SNX8: variants seen among roughly 807,000 people sequenced by gnomAD.
The protein encoded by SNX8 is sorting nexin 8.
A neutral mutation model predicts 51.6 loss-of-function variants in SNX8; 25 were observed. That is an observed-to-expected ratio of 0.48 (90% CI 0.35 to 0.68). The LOEUF is 0.68. Ranked by LOEUF, SNX8 falls within the 30% of genes least tolerant of loss-of-function variation. SNX8 has a pLI of 0.00. For missense variants in SNX8, 695 were observed against 624.0 expected, an observed-to-expected ratio of 1.11 and a Z score of -1.21; for synonymous variants, 324 against 277.0, an observed-to-expected ratio of 1.17 and a Z score of -1.68.
At chr7:2,337,733 T>TA (rs1482955006) in intron 1 of SNX8, among the ~76,000 whole-genome samples, 1 of 151,058 alleles carries the variant, frequency 6.6e-6, no homozygotes, top group Non-Finnish European at 1.5e-5. Context: ...AGATGTTAGT[T>TA]AAAGAATCAC....
chr7:2,351,738 G>A (rs112977609), intron 1 of SNX8, among the ~76,000 whole-genome samples: 2 of 151,456 alleles, frequency 1.3e-5, no homozygotes, highest in South Asian at 4.2e-4. Flanking sequence ...GGCTGAGGCA[G>A]GAGAATTGCT....
rs541080930 is a variant in SNX8, at chr7:2,342,608, C to T, written c.-66+11614G>A. Among the ~76,000 whole-genome samples the T allele has an allele frequency of 1.5e-3, 224 of 151,020 alleles. 1 individual carries two copies. The highest frequency in any genetic ancestry group is 2.2e-3 in the Non-Finnish European group (152 of 67,800). On this transcript the variant is annotated intron_variant, in intron 1 of 5. Coordinates refer to the SNX8 transcript ENST00000435336. ...GGCAGAGGTTGCAGTGAGCCGAGAT[C>T]AGGCCACTGCACTGCAGCCTAGGCG...
At chr7:2,312,453 G>C (rs945794216) in intron 1 of SNX8, among the ~76,000 whole-genome samples, 1 of 152,100 alleles carries the variant, frequency 6.6e-6, no homozygotes, top group Non-Finnish European at 1.5e-5. Context: ...ACTCACGCTG[G>C]CCTCCAACAT....
chr7:2,270,143 G>A (rs915609277), intron 4 of SNX8, among the ~76,000 whole-genome samples: 5 of 151,938 alleles, frequency 3.3e-5, no homozygotes, highest in Non-Finnish European at 5.9e-5. Flanking sequence ...CCCAGCCCCT[G>A]GCACCGGAGC....
At chr7:2,301,372 G>A (rs1055395170) in intron 1 of SNX8, among the ~76,000 whole-genome samples, 6 of 152,242 alleles carry the variant, frequency 3.9e-5, no homozygotes, top group Admixed American at 2.0e-4. Flanking sequence ...CCCCAAATTC[G>A]GGCTTAGCCC....
intron 1 of SNX8, among the ~76,000 whole-genome samples, chr7:2,287,255 CAA>C (rs911390560): frequency 1.2e-4 from 16 of 138,344 alleles, no homozygotes; most frequent in African/African-American, 4.0e-4. Flanking sequence ...GACTCTGTTT[CAA>C]AAAAAAAAGA....
intron 5 of SNX8, among the ~76,000 whole-genome samples, chr7:2,266,172 T>C (rs569278876): frequency 9.5e-4 from 144 of 152,240 alleles, no homozygotes; most frequent in African/African-American, 3.4e-3. Flanking sequence ...GGTTTTTTTC[T>C]GGTTTTTTTG....
intron 3 of SNX8, among the ~76,000 whole-genome samples, chr7:2,274,210 G>A (rs531580112): frequency 4.6e-5 from 7 of 152,348 alleles, no homozygotes; most frequent in Non-Finnish European, 7.3e-5. Context: ...CACATGCGGC[G>A]GGGTGAAAAT....
At chr7:2,281,654 T>C (rs1392287499) in intron 1 of SNX8, among the ~76,000 whole-genome samples, 1 of 151,878 alleles carries the variant, frequency 6.6e-6, no homozygotes, top group Non-Finnish European at 1.5e-5. Context: ...ACTAACCCAG[T>C]CCCACAGAGA....
chr7:2,257,028 G>A lies in SNX8; in HGVS notation c.1135-5C>T, dbSNP rs773832660. 5 of 1,595,122 alleles carry A rather than the reference G, an allele frequency of 3.1e-6. No individual in the cohort carries two copies. Among genetic ancestry groups the A allele is most frequent in the South Asian group, 1.1e-5 (1 of 89,808 alleles). Reference sequence around the variant, plus strand: ...CGTCTGAATCGCGTTCTCCTGCTGCGGAGCAAACAGCCGCCTTTCGCACCC... The same window carrying A: ...CGTCTGAATCGCGTTCTCCTGCTGCAGAGCAAACAGCCGCCTTTCGCACCC... On this transcript the variant is annotated splice_polypyrimidine_tract_variant and splice_region_variant and intron_variant, in intron 9 of 10. Transcript: ENST00000222990.
intron 1 of SNX8, among the ~76,000 whole-genome samples, chr7:2,305,681 T>C (rs1183834781): frequency 6.6e-6 from 1 of 152,066 alleles, no homozygotes; most frequent in Non-Finnish European, 1.5e-5. Context: ...TATTATTTTG[T>C]ATTATTAAAT....
intron 1 of SNX8, among the ~76,000 whole-genome samples, chr7:2,279,500 C>T (rs1418046608): frequency 6.6e-6 from 1 of 152,124 alleles, no homozygotes; most frequent in Non-Finnish European, 1.5e-5. Flanking sequence ...GCCTGTAATC[C>T]TGGGACTTGG....
intron 1 of SNX8, among the ~76,000 whole-genome samples, chr7:2,348,338 CTTTTTTTT>C (rs59761780): frequency 1.1e-5 from 1 of 93,676 alleles, no homozygotes; most frequent in African/African-American, 3.9e-5. Flanking sequence ...TTCTTTCTTT[CTTTTTTTT>C]TTTTTTTTTT....
chr7:2,343,315 G>C (rs948752380), intron 1 of SNX8, among the ~76,000 whole-genome samples: 1 of 151,996 alleles, frequency 6.6e-6, no homozygotes, highest in African/African-American at 2.4e-5. Context: ...GCAAAGATGA[G>C]CCACACCCTG....
intron 3 of SNX8, 197 bp downstream of exon 3, chr7:2,274,915 C>A: frequency 1.8e-6 from 1 of 558,628 alleles, no homozygotes; most frequent in South Asian, 2.3e-5. Context: ...CCAAGGCTGC[C>A]GGGTGCCAGT....
intron 1 of SNX8, among the ~76,000 whole-genome samples, chr7:2,313,723 G>A (rs1022548022): frequency 2.7e-4 from 41 of 151,552 alleles, no homozygotes; most frequent in Admixed American, 3.9e-4. Context: ...ATTACCGGGC[G>A]TAACTGCACG....
intron 1 of SNX8, among the ~76,000 whole-genome samples, chr7:2,301,461 C>T (rs1160032834): frequency 6.6e-6 from 1 of 152,218 alleles, no homozygotes; most frequent in East Asian, 1.9e-4. Flanking sequence ...AGCAGCAGCA[C>T]GCACAGCAGC....
intron 1 of SNX8, among the ~76,000 whole-genome samples, chr7:2,285,980 G>T (rs1796018207): frequency 6.6e-6 from 1 of 151,912 alleles, no homozygotes; most frequent in Non-Finnish European, 1.5e-5. Flanking sequence ...ATAGCACCCA[G>T]CCTAGGTTGT....
intron 1 of SNX8, among the ~76,000 whole-genome samples, chr7:2,344,935 G>A (rs1205585816): frequency 6.6e-6 from 1 of 152,154 alleles, no homozygotes; most frequent in Non-Finnish European, 1.5e-5. Flanking sequence ...TCAGAGAAAT[G>A]CAAATTCAAA....
Sources: allele counts gnomAD v4.1 joint callset (sites outside exome capture counted in the v4.1 genomes callset), GRCh38; gene constraint gnomAD v4.1.1; transcripts MANE v1.5; gene names NCBI Gene and HGNC (gene_info 2026-07-23, HGNC 2026-07-21).